LINGO1: variants seen among roughly 807,000 people sequenced by gnomAD.
LINGO1 encodes leucine rich repeat and Ig domain containing 1.
A neutral mutation model predicts 37.3 loss-of-function variants in LINGO1; 11 were observed. The observed-to-expected ratio is 0.29, with a 90% CI of 0.19 to 0.49. The LOEUF (loss-of-function observed/expected upper bound fraction) is 0.49, where lower values mean the gene tolerates loss of function less well. LINGO1 is among the 20% of genes least tolerant of loss of function. LINGO1 has a pLI of 0.99. For synonymous variants in LINGO1, 387 were observed against 403.0 expected, an observed-to-expected ratio of 0.96 and a Z score of 0.48; for missense variants, 585 against 878.2, an observed-to-expected ratio of 0.67 and a Z score of 4.22.
intron 2 of LINGO1, among the ~76,000 whole-genome samples, chr15:77,680,077 T>C (rs1417066732): frequency 6.6e-6 from 1 of 152,236 alleles, no homozygotes; most frequent in Non-Finnish European, 1.5e-5. Context: ...ATGCGTGTCA[T>C]TGATGAGCCA....
rs71407226 is a variant in LINGO1 at position 77,800,349 on chromosome 15, C to T, written c.-457-4296G>A. ...GGGAAACCAGCTGGGGATGGGAAAA[C>T]AGCAGAGACAGAGGAGTGGGGGCAG... On this transcript the variant is annotated intron_variant, in intron 1 of 5. Coordinates refer to the LINGO1 transcript ENST00000562933. Among the ~76,000 whole-genome samples, 190 of 152,324 alleles carry T rather than the reference C, an allele frequency of 1.2e-3. 1 individual carries two copies. The highest frequency in any genetic ancestry group is 2.1e-3 in the Non-Finnish European group (140 of 68,038).
intron 1 of LINGO1, among the ~76,000 whole-genome samples, chr15:77,802,991 G>C (rs2076931791): frequency 6.6e-6 from 1 of 152,132 alleles, no homozygotes; most frequent in African/African-American, 2.4e-5. Context: ...CAATCAGACT[G>C]GGCCTCCTGT....
At chr15:77,661,236 T>C (rs982370293) in intron 3 of LINGO1, among the ~76,000 whole-genome samples, 2 of 152,176 alleles carry the variant, frequency 1.3e-5, no homozygotes, top group South Asian at 2.1e-4. Context: ...GACCTTTGGA[T>C]TGACAAGATC....
intron 2 of LINGO1, among the ~76,000 whole-genome samples, chr15:77,733,945 A>G (rs760459594): frequency 1.3e-5 from 2 of 152,218 alleles, no homozygotes; most frequent in Non-Finnish European, 2.9e-5. Flanking sequence ...TTGAGCACCA[A>G]CTGTGTGCCA....
chr15:77,820,299 C>T (rs2077087199), exon 1 of LINGO1: 1 of 152,316 alleles, frequency 6.6e-6, no homozygotes, highest in South Asian at 2.1e-4. Context: ...GGGAAGGGAC[C>T]TCGCTGCGCG....
rs1328885556 is a variant in LINGO1, at chr15:77,614,538, G to A, written c.1369C>T (p.Leu457Phe). 1 of 1,610,944 alleles carries A rather than the reference G, an allele frequency of 6.2e-7. No homozygotes were observed. The highest frequency in any genetic ancestry group is 8.5e-7 in the Non-Finnish European group (1 of 1,179,532). The change falls in exon 2 of 2, where the codon CTC becomes TTC. Residue 457 changes from leucine to phenylalanine, a missense_variant. Coordinates refer to ENST00000355300, the MANE Select transcript of LINGO1 (RefSeq NM_032808.7). ...RADGDPPPAI[L>F]WLSPRKHLVS... ...AGGTGCTTTCGGGGTGAGAGCCAGA[G>A]GATGGCGGGCGGCGGGTCGCCATCG...
chr15:77,754,904 G>A (rs1329238487), intron 1 of LINGO1, among the ~76,000 whole-genome samples: 1 of 152,264 alleles, frequency 6.6e-6, no homozygotes, highest in Admixed American at 6.5e-5. Context: ...TTGCCTATAA[G>A]ATGGGGCCTG....
At chr15:77,670,026 G>A (rs1018651335) in intron 3 of LINGO1, among the ~76,000 whole-genome samples, 9 of 152,210 alleles carry the variant, frequency 5.9e-5, no homozygotes, top group Non-Finnish European at 1.2e-4. Flanking sequence ...AAAGAATGAA[G>A]TACTGATACA....
rs978879488 is a variant in LINGO1, at chr15:77,819,414, G to A, written c.-458+844C>T. ...TGGCCGCGGCGGCGAGCGCGGCAGG[G>A]AGGGCGTGTGTATGCGCGTGAGAGC... On this transcript the variant is annotated intron_variant, in intron 1 of 5. Transcript: ENST00000562933. 4.8e-4 allele frequency: 73 copies of A among 151,678 alleles called. 1 individual carries two copies. Among genetic ancestry groups the A allele is most frequent in the African/African-American group, 1.6e-3 (68 of 41,492 alleles). 9.4% of individuals were successfully genotyped at this position (151,678 alleles called of 1,614,324 possible). A position where few individuals can be genotyped will look rare whatever the true frequency, so the allele number is the denominator to read the frequency against.
intron 1 of LINGO1, among the ~76,000 whole-genome samples, chr15:77,691,895 A>G (rs146339480): frequency 2.6e-5 from 4 of 152,072 alleles, no homozygotes; most frequent in African/African-American, 9.6e-5. Context: ...TACGAGGCCC[A>G]CTCCCATCTG....
intron 2 of LINGO1, among the ~76,000 whole-genome samples, chr15:77,687,980 C>T (rs1184887123): frequency 2.0e-5 from 3 of 152,210 alleles, no homozygotes; most frequent in African/African-American, 4.8e-5. Context: ...AACCCAGCGG[C>T]TCCTTGCTTT....
At chr15:77,675,615 C>T (rs906080771) in intron 3 of LINGO1, among the ~76,000 whole-genome samples, 8 of 151,998 alleles carry the variant, frequency 5.3e-5, no homozygotes, top group African/African-American at 1.9e-4. Flanking sequence ...AACGAGTTAT[C>T]CGTGTTAGCT....
At chr15:77,680,930 A>G (rs1329059777) in intron 2 of LINGO1, among the ~76,000 whole-genome samples, 1 of 152,178 alleles carries the variant, frequency 6.6e-6, no homozygotes, top group Non-Finnish European at 1.5e-5. Context: ...AACACGAGGA[A>G]CAAGGAGAAG....
chr15:77,791,876 G>A (rs1220258779), upstream of LINGO1, among the ~76,000 whole-genome samples: 2 of 152,044 alleles, frequency 1.3e-5, no homozygotes, highest in Admixed American at 6.6e-5. Flanking sequence ...TCTCCAGGCT[G>A]GTAAATCAGG....
chr15:77,767,186 G>T (rs1425451157), intron 1 of LINGO1, among the ~76,000 whole-genome samples: 6 of 152,176 alleles, frequency 3.9e-5, no homozygotes, highest in Non-Finnish European at 7.3e-5. Flanking sequence ...GAAAGAGAAG[G>T]TTCTAGAAGC....
chr15:77,806,395 G>C (rs1400361592), intron 1 of LINGO1, among the ~76,000 whole-genome samples: 1 of 152,208 alleles, frequency 6.6e-6, no homozygotes, highest in Admixed American at 6.5e-5. Context: ...GCGAGGAAGA[G>C]GGTCGAGGGC....
chr15:77,711,979 T>A lies in LINGO1; in HGVS notation c.-194-21078A>T, dbSNP rs28377039. On this transcript the variant is annotated intron_variant, in intron 2 of 3. Coordinates refer to the LINGO1 transcript ENST00000561686. Reference sequence around the variant, plus strand: ...CCTCGGGGCTCTTCTAGACCTCAGGTCCAGATTCCTCCCATCTACAGTGGT... The same window carrying A: ...CCTCGGGGCTCTTCTAGACCTCAGGACCAGATTCCTCCCATCTACAGTGGT... Among the ~76,000 whole-genome samples the A allele has an allele frequency of 6.8e-3, 1,033 of 152,182 alleles. 10 individuals are homozygous for A. Among genetic ancestry groups the A allele is most frequent in the African/African-American group, 0.024 (982 of 41,504 alleles).
In LINGO1 at chr15:77,801,968, T is replaced by C. The variant is rs553504859; in HGVS notation, c.-457-5915A>G. Among the ~76,000 whole-genome samples, 243 of 152,098 alleles carry C rather than the reference T, an allele frequency of 1.6e-3. 1 individual carries two copies. Among genetic ancestry groups the C allele is most frequent in the Non-Finnish European group, 2.7e-3 (182 of 67,992 alleles). ...GGTCACAGCCCTGGGGAACCCAGAA[T>C]TGGGGCTGAGGGATAAAGGGAACAT... On this transcript the variant is annotated intron_variant, in intron 1 of 5. Coordinates refer to the LINGO1 transcript ENST00000562933.
At chr15:77,819,197 A>T (rs934921559) in intron 1 of LINGO1, 2 of 142,336 alleles carry the variant, frequency 1.4e-5, no homozygotes, top group African/African-American at 5.2e-5. Context: ...GCCGGCGGGC[A>T]GACACACCGG....
Sources: gnomAD v4.1 joint callset for allele counts (sites outside exome capture counted in the v4.1 genomes callset) on GRCh38, gnomAD v4.1.1 for gene constraint, MANE v1.5 for transcripts, NCBI Gene and HGNC (gene_info 2026-07-23, HGNC 2026-07-21) for gene names.